EBF1: variants seen among roughly 807,000 people sequenced by gnomAD.
EBF1 encodes transcription factor COE1.
Under a neutral mutation model 68.4 loss-of-function variants are expected in EBF1, and 10 were observed. The ratio of observed to expected loss-of-function variants is 0.15; its 90% CI spans 0.09 to 0.25. The LOEUF is 0.25. EBF1 is among the 10% of genes least tolerant of loss of function. The pLI, the probability that EBF1 is intolerant of heterozygous loss-of-function variation, is 1.00. For missense variants in EBF1, 509 were observed against 794.4 expected (o/e 0.64, Z 4.32); for synonymous variants, 298 against 299.8 (o/e 0.99, Z 0.06).
intron 6 of EBF1, among the ~76,000 whole-genome samples, chr5:158,859,283 G>A (rs1794591308): frequency 6.6e-6 from 1 of 152,104 alleles, no homozygotes; most frequent in Non-Finnish European, 1.5e-5. Context: ...CCAAGCTTTA[G>A]CTCAACCATT....
chr5:159,014,778 G>A lies in EBF1; in HGVS notation c.554+58618C>T, dbSNP rs554641769. Reference sequence around the variant, plus strand: ...GGGTGCTATCTGTAATATGCAAGCCGTATCATTAAGAGGAAGGGTCTGCCC... The same window carrying A: ...GGGTGCTATCTGTAATATGCAAGCCATATCATTAAGAGGAAGGGTCTGCCC... On this transcript the variant is annotated intron_variant, in intron 6 of 15. Coordinates refer to ENST00000313708, the MANE Select transcript of EBF1 (RefSeq NM_024007.5). Among the ~76,000 whole-genome samples, 359 of 152,278 alleles carry A rather than the reference G, an allele frequency of 2.4e-3. 2 individuals carry two copies. The highest frequency in any genetic ancestry group is 8.2e-3 in the African/African-American group (341 of 41,534).
intron 6 of EBF1, among the ~76,000 whole-genome samples, chr5:158,886,698 G>A (rs1800105222): frequency 6.6e-6 from 1 of 152,158 alleles, no homozygotes; most frequent in South Asian, 2.1e-4. Context: ...AACACAGATG[G>A]GATGATTATT....
chr5:158,698,197 G>C lies in EBF1; in HGVS notation c.*914C>G. 1 of 221,348 alleles carries C rather than the reference G, an allele frequency of 4.5e-6. No individual in the cohort carries two copies. The highest frequency in any genetic ancestry group is 9.0e-6 in the Non-Finnish European group (1 of 110,536). The allele number at this position is 221,348 out of a possible 1,614,324, so 13.7% of individuals were successfully genotyped here. On this transcript the variant is annotated 3_prime_UTR_variant, in exon 16 of 16. Coordinates refer to ENST00000313708, the MANE Select transcript of EBF1 (RefSeq NM_024007.5). The stretch of plus-strand genomic sequence containing the variant: ...TACGTGAGGTTTTGGCTTGTTAACT[G>C]GAGGGCAGAGTGTGGAATTCTGTGC...
At chr5:158,850,511 A>T (rs1792420832) in intron 6 of EBF1, among the ~76,000 whole-genome samples, 1 of 152,022 alleles carries the variant, frequency 6.6e-6, no homozygotes, top group African/African-American at 2.4e-5. Flanking sequence ...TTCTGTACGT[A>T]CTCTTTCCTG....
intron 6 of EBF1, among the ~76,000 whole-genome samples, chr5:158,902,602 T>TTAG (rs1240678526): frequency 2.0e-5 from 3 of 148,400 alleles, no homozygotes; most frequent in Admixed American, 1.3e-4. Flanking sequence ...AATTTTATTA[T>TTAG]TATTATTATT....
intron 6 of EBF1, among the ~76,000 whole-genome samples, chr5:158,862,909 A>C (rs1459494041): frequency 6.6e-6 from 1 of 152,188 alleles, no homozygotes; most frequent in Non-Finnish European, 1.5e-5. Flanking sequence ...ACATTCTTGA[A>C]CGATTGAATT....
At chr5:159,046,255 G>A (rs1158139128) in intron 6 of EBF1, among the ~76,000 whole-genome samples, 1 of 152,146 alleles carries the variant, frequency 6.6e-6, no homozygotes, top group Non-Finnish European at 1.5e-5. Context: ...TCAGTGCACA[G>A]ACCCTCGAGG....
intron 6 of EBF1, among the ~76,000 whole-genome samples, chr5:159,049,189 A>C (rs2127806175): frequency 6.6e-6 from 1 of 152,368 alleles, no homozygotes; most frequent in Middle Eastern, 3.4e-3. Flanking sequence ...ATTTAAAGCT[A>C]AACATACACA....
rs116177337 is a variant in EBF1, at chr5:159,027,897, T to C, written c.554+45499A>G. On this transcript the variant is annotated intron_variant, in intron 6 of 15. Transcript: ENST00000313708. The stretch of plus-strand genomic sequence containing the variant: ...CATGCAAGTTTGTCACACCCAGGGT[T>C]CCCCCAGCTCATATGGATCTTTCAT... 3.9e-3 allele frequency among the ~76,000 whole-genome samples: 600 copies of C among 152,266 alleles called. 3 individuals are homozygous for C. Among genetic ancestry groups the C allele is most frequent in the African/African-American group, 0.014 (583 of 41,538 alleles).
At chr5:159,085,994 A>T (rs1487210345) in intron 4 of EBF1, among the ~76,000 whole-genome samples, 1 of 152,126 alleles carries the variant, frequency 6.6e-6, no homozygotes, top group Non-Finnish European at 1.5e-5. Flanking sequence ...GAGAAAATGT[A>T]CTTGCATGAG....
At chr5:159,031,044 T>C (rs927548421) in intron 6 of EBF1, among the ~76,000 whole-genome samples, 6 of 152,064 alleles carry the variant, frequency 3.9e-5, no homozygotes, top group Non-Finnish European at 8.8e-5. Flanking sequence ...TGCAGTGGTG[T>C]GTGCCTGTAA....
chr5:158,774,024 C>T (rs1485511317), intron 10 of EBF1, among the ~76,000 whole-genome samples: 1 of 152,122 alleles, frequency 6.6e-6, no homozygotes, highest in Non-Finnish European at 1.5e-5. Context: ...TAAAGTCAGC[C>T]TTGCCCTACA....
chr5:159,088,453 T>C (rs1781093178), intron 4 of EBF1, among the ~76,000 whole-genome samples: 1 of 152,172 alleles, frequency 6.6e-6, no homozygotes, highest in African/African-American at 2.4e-5. Flanking sequence ...ACAGGGATCC[T>C]GCTAACACCA....
chr5:158,874,489 T>C (rs538725341), intron 6 of EBF1, among the ~76,000 whole-genome samples: 150 of 152,280 alleles, frequency 9.9e-4, no homozygotes, highest in South Asian at 5.6e-3. Flanking sequence ...CTTGCAAGGC[T>C]CTTGGTAAAT....
intron 6 of EBF1, among the ~76,000 whole-genome samples, chr5:158,864,708 G>C (rs1338928945): frequency 6.6e-6 from 1 of 152,204 alleles, no homozygotes; most frequent in Non-Finnish European, 1.5e-5. Context: ...CCTAGAAAGG[G>C]GAGAAGAGAA....
intron 6 of EBF1, among the ~76,000 whole-genome samples, chr5:159,036,335 C>T (rs911926977): frequency 2.6e-5 from 4 of 151,766 alleles, no homozygotes; most frequent in Non-Finnish European, 4.4e-5. Context: ...AAAAAAGAGC[C>T]CACATCGCCA....
At chr5:159,071,611 C>T (rs749104682) in intron 6 of EBF1, among the ~76,000 whole-genome samples, 1 of 152,110 alleles carries the variant, frequency 6.6e-6, no homozygotes, top group Non-Finnish European at 1.5e-5. Flanking sequence ...GTTTCTTATG[C>T]CATCGCAACC....
At chr5:158,717,989 C>T (rs1340828882) in intron 11 of EBF1, among the ~76,000 whole-genome samples, 6 of 151,972 alleles carry the variant, frequency 3.9e-5, no homozygotes, top group East Asian at 1.9e-4. Context: ...TTAGGGAGAC[C>T]GAAGGAGGAA....
rs1439009162 is a variant in EBF1 at position 159,099,828 on chromosome 5, T to TC, written c.-351_-350insG. 1 of 159,778 alleles carries TC rather than the reference T, an allele frequency of 6.3e-6. No individual in the cohort carries two copies. Among genetic ancestry groups the TC allele is most frequent in the African/African-American group, 2.7e-5 (1 of 37,318 alleles). 9.9% of individuals were successfully genotyped at this position (159,778 alleles called of 1,614,324 possible). A position where few individuals can be genotyped will look rare whatever the true frequency, so the allele number is the denominator to read the frequency against. The stretch of plus-strand genomic sequence containing the variant: ...TTTTTTTTTTTTTTTGCTTTTTTTT[T>TC]TTTTTTTTTGTAATGATCACAGGCC... On this transcript the variant is annotated 5_prime_UTR_variant, in exon 1 of 16. Transcript: ENST00000313708.
Sources: allele counts gnomAD v4.1 joint callset (sites outside exome capture counted in the v4.1 genomes callset), GRCh38; gene constraint gnomAD v4.1.1; transcripts MANE v1.5; gene names NCBI Gene and HGNC (gene_info 2026-07-23, HGNC 2026-07-21).